The following PRR11 variants were observed in gnomAD, a reference collection of about 807,000 sequenced individuals.
PRR11 encodes proline rich 11.
Under a neutral mutation model 45.6 loss-of-function variants are expected in PRR11, and 30 were observed. The observed-to-expected ratio is 0.66, with a 90% CI of 0.49 to 0.89. PRR11 has a LOEUF of 0.89. Among genes scored for constraint, PRR11 ranks in the 40% least tolerant of loss-of-function variants. The pLI, the probability that PRR11 is intolerant of heterozygous loss-of-function variation, is 0.00. For synonymous variants in PRR11, 128 were observed against 153.5 expected (o/e 0.83, Z 1.23); for missense variants, 373 against 424.8 (o/e 0.88, Z 1.07).
At chr17:59,172,727 C>T (rs769611665) in intron 2 of PRR11, among the ~76,000 whole-genome samples, 3 of 152,220 alleles carry the variant, frequency 2.0e-5, no homozygotes, top group Non-Finnish European at 4.4e-5. Context: ...GCGCTGTGCT[C>T]GATTTCTCGC....
intron 2 of PRR11, among the ~76,000 whole-genome samples, chr17:59,171,688 T>C (rs555951542): frequency 1.6e-4 from 25 of 152,154 alleles, no homozygotes; most frequent in Non-Finnish European, 3.5e-4. Context: ...ATAGTATATA[T>C]TAGACATGTT....
chr17:59,192,189 G>A (rs142638373), intron 4 of PRR11, among the ~76,000 whole-genome samples: 56 of 152,210 alleles, frequency 3.7e-4, no homozygotes, highest in African/African-American at 1.3e-3. Context: ...GAAGCAATGT[G>A]ACCACAGAGA....
intron 2 of PRR11, among the ~76,000 whole-genome samples, chr17:59,183,971 G>A (rs956365784): frequency 8.6e-6 from 1 of 116,770 alleles, no homozygotes; most frequent in Non-Finnish European, 1.7e-5. Context: ...AGGTGTGGTG[G>A]CTGGCACCTT....
chr17:59,168,912 C>T (rs1188546064), intron 1 of PRR11, among the ~76,000 whole-genome samples: 1 of 152,044 alleles, frequency 6.6e-6, no homozygotes, highest in East Asian at 1.9e-4. Flanking sequence ...GAATAAAAAT[C>T]CTCCTTGTCA....
intron 2 of PRR11, among the ~76,000 whole-genome samples, chr17:59,180,598 C>T (rs1040127583): frequency 2.0e-5 from 3 of 149,696 alleles, no homozygotes; most frequent in East Asian, 2.0e-4. Context: ...CTCTGCCTCC[C>T]GGGTTCTAGA....
At chr17:59,198,511 C>A (rs1239276736) in intron 9 of PRR11, among the ~76,000 whole-genome samples, 1 of 151,986 alleles carries the variant, frequency 6.6e-6, no homozygotes, top group African/African-American at 2.4e-5. Flanking sequence ...CCGTCTCTAC[C>A]CCAAATACAA....
intron 1 of PRR11, among the ~76,000 whole-genome samples, chr17:59,160,089 A>C (rs989089332): frequency 2.0e-5 from 3 of 152,178 alleles, no homozygotes; most frequent in Non-Finnish European, 2.9e-5. Context: ...GCAGCAAAAA[A>C]AAAAGAATCA....
rs557091897 is a variant in PRR11 at position 59,182,883 on chromosome 17, C to A, written c.129-2171C>A. ...GATCTTTCCCAAAATCTATCCCAAC[C>A]CACGGAACCTAGTCTCTGTTCTATC... On this transcript the variant is annotated intron_variant, in intron 2 of 9. Coordinates refer to ENST00000262293, the MANE Select transcript of PRR11 (RefSeq NM_018304.4). Among the ~76,000 whole-genome samples the A allele has an allele frequency of 3.3e-5, 5 of 152,236 alleles. No homozygotes were observed. The South Asian group carries it at 1.0e-3, about 32-fold the overall frequency.
In PRR11 at chr17:59,203,271, C is replaced by T. The variant is rs1366199517; in HGVS notation, c.*1640C>T. 6.6e-6 allele frequency among the ~76,000 whole-genome samples: 1 copy of T among 152,136 alleles called. No homozygotes were observed. The highest frequency in any genetic ancestry group is 6.6e-5 in the Admixed American group (1 of 15,260). Reference sequence around the variant, plus strand: ...ATGAAGTCTCACTCTGTCACCCAGGCTGGAGTGCAGTGGCGCAATCTTGGC... The same window carrying T: ...ATGAAGTCTCACTCTGTCACCCAGGTTGGAGTGCAGTGGCGCAATCTTGGC... On this transcript the variant is annotated 3_prime_UTR_variant, in exon 10 of 10. Transcript: ENST00000262293.
intron 2 of PRR11, 34 bp from the exon 3 acceptor site, chr17:59,185,020 G>T (rs771179976): frequency 1.9e-6 from 3 of 1,599,392 alleles, no homozygotes; most frequent in Admixed American, 1.7e-5. Flanking sequence ...TGACTTAGGG[G>T]TTTTTTATTT....
intron 4 of PRR11, among the ~76,000 whole-genome samples, chr17:59,187,863 A>T (rs1016208797): frequency 2.2e-5 from 3 of 134,052 alleles, no homozygotes; most frequent in Non-Finnish European, 3.2e-5. Context: ...AGACTCCATT[A>T]AAAAAAAAAA....
At chr17:59,168,727 G>A (rs186866799) in intron 1 of PRR11, among the ~76,000 whole-genome samples, 40 of 152,250 alleles carry the variant, frequency 2.6e-4, no homozygotes, top group Admixed American at 1.8e-3. Flanking sequence ...AAACACTCAT[G>A]TCTTAGATTT....
intron 1 of PRR11, among the ~76,000 whole-genome samples, chr17:59,165,450 G>C (rs1249079895): frequency 6.6e-6 from 1 of 151,872 alleles, no homozygotes; most frequent in Non-Finnish European, 1.5e-5. Context: ...GATCCTCCCA[G>C]CTCAGCCTCC....
intron 1 of PRR11, among the ~76,000 whole-genome samples, chr17:59,168,079 C>T (rs1164517112): frequency 1.3e-5 from 2 of 152,088 alleles, no homozygotes; most frequent in Non-Finnish European, 2.9e-5. Context: ...CCTTCCTCCC[C>T]ACCTTTCCCA....
chr17:59,195,228 T>G, intron 6 of PRR11, 103 bp from the exon 7 acceptor site: 1 of 851,726 alleles, frequency 1.2e-6, no homozygotes, highest in Non-Finnish European at 1.9e-6. Flanking sequence ...ACTGGATATA[T>G]CTTACACAAA....
intron 4 of PRR11, 135 bp downstream of exon 4, chr17:59,185,697 T>C (rs2046811010): frequency 3.8e-6 from 3 of 792,864 alleles, no homozygotes; most frequent in Non-Finnish European, 3.9e-6. Context: ...GTTTTCTTTG[T>C]TAGCAAGGAA....
At position 59,161,708 on chromosome 17, in the gene PRR11, C is replaced by A. The variant is rs146183619; in HGVS notation, c.-6+5903C>A. ...AAGCTGCAGAGAGCTGAGATCACAC[C>A]ACTGCAATCCAGCGTGGGCAACAGA... On this transcript the variant is annotated intron_variant, in intron 1 of 9. Transcript: ENST00000262293. Among the ~76,000 whole-genome samples the A allele has an allele frequency of 7.0e-3, 1,069 of 152,268 alleles. 11 individuals are homozygous for A. The highest frequency in any genetic ancestry group is 0.014 in the South Asian group (69 of 4,824).
At position 59,185,521 on chromosome 17, in the gene PRR11, A is replaced by C. The variant is rs759468088; in HGVS notation, c.361A>C (p.Ile121Leu). 5.0e-6 allele frequency: 8 copies of C among 1,611,380 alleles called. No homozygotes were observed. In the Admixed American group the frequency reaches 1.0e-4, roughly 20 times the overall value. ...TTACAGTGTAAAACAACAGTTTTGCATTTTGGAAAGTAAATTATGCAAGCT... is the reference window on the plus strand; with the variant it reads ...TTACAGTGTAAAACAACAGTTTTGCCTTTTGGAAAGTAAATTATGCAAGCT... ...ELYSVKQQFC[I>L]LESKLCKLQE... Residue 121 changes from isoleucine (I) to leucine (L), a missense_variant, in exon 4 of 10, where the codon ATT (isoleucine) becomes CTT (leucine). By Grantham distance (5) the Ile-to-Leu change is conservative. Transcript: ENST00000262293.
chr17:59,197,112 G>T (rs184471034), intron 7 of PRR11, among the ~76,000 whole-genome samples: 9 of 152,074 alleles, frequency 5.9e-5, no homozygotes, highest in African/African-American at 1.7e-4. Flanking sequence ...CTCCTAAAGT[G>T]CTGGGATCAC....
Sources: allele counts gnomAD v4.1 joint callset (sites outside exome capture counted in the v4.1 genomes callset), GRCh38; gene constraint gnomAD v4.1.1; transcripts MANE v1.5; gene names NCBI Gene and HGNC (gene_info 2026-07-23, HGNC 2026-07-21).